TRPM2: variants seen among roughly 807,000 people sequenced by gnomAD.
The protein encoded by TRPM2 is estrogen-responsive element-associated gene 1 protein.
In TRPM2, 161 loss-of-function variants were observed where a neutral mutation model predicts 174.0. The ratio of observed to expected loss-of-function variants is 0.93; its 90% CI spans 0.81 to 1.05. TRPM2 has a LOEUF of 1.05. Ranked by LOEUF, TRPM2 falls within the 50% of genes least tolerant of loss-of-function variation. TRPM2 has a pLI of 0.00. For missense variants in TRPM2, 2,057 were observed against 2,038.0 expected, an observed-to-expected ratio of 1.01 and a Z score of -0.18; for synonymous variants, 954 against 861.3, an observed-to-expected ratio of 1.11 and a Z score of -1.88.
At position 44,424,866 on chromosome 21, in the gene TRPM2, C is replaced by T. The variant is rs763564413; in HGVS notation, c.3564C>T (p.Ala1188=). The part of the protein sequence containing the change: ...ASLEEQVAQT[A]QALHWIVRTL... Reference sequence around the variant, plus strand: ...ATGCCTTCCAGGTGGCCCAGACAGCCCAAGCCCTGCACTGGATCGTGAGGA... The same window carrying T: ...ATGCCTTCCAGGTGGCCCAGACAGCTCAAGCCCTGCACTGGATCGTGAGGA... The change falls in exon 24 of 32, where the codon GCC becomes GCT. Residue 1188 remains alanine (A), a synonymous_variant. Transcript: ENST00000397928. 2.5e-6 allele frequency: 4 copies of T among 1,603,422 alleles called. No homozygotes were observed. The highest frequency in any genetic ancestry group is 4.5e-5 in the East Asian group (2 of 44,468).
rs2049187637 is a variant in TRPM2, at chr21:44,391,910, C to T, written c.1794+285C>T. Among the ~76,000 whole-genome samples the T allele has an allele frequency of 6.6e-6, 1 of 152,174 alleles. No homozygotes were observed. The highest frequency in any genetic ancestry group is 6.5e-5 in the Admixed American group (1 of 15,284). The stretch of plus-strand genomic sequence containing the variant: ...GCACGTGGCTGCCCTCTTGCTGTGT[C>T]TTCACGTGACAGAGAGAGAAGTCTC... On this transcript the variant is annotated intron_variant, in intron 11 of 31. Coordinates refer to ENST00000397928, the MANE Select transcript of TRPM2 (RefSeq NM_003307.4). The surrounding 1 kb of genome is among the most constrained non-coding windows in gnomAD (Gnocchi z 5.0).
At position 44,439,128 on chromosome 21, in the gene TRPM2, A is replaced by T. The variant is rs765566611; in HGVS notation, c.4229A>T (p.His1410Leu). The T allele has an allele frequency of 1.2e-6, 2 of 1,613,712 alleles. No homozygotes were observed. The highest frequency in any genetic ancestry group is 1.7e-6 in the Non-Finnish European group (2 of 1,179,838). ...RKLKRILRQE[H>L]WPSFENLLKC... ...CTGAAGCGGATCCTCCGGCAGGAGCACTGGCCGTCTTTTGAAAACTTGCTG... is the reference window on the plus strand; with the variant it reads ...CTGAAGCGGATCCTCCGGCAGGAGCTCTGGCCGTCTTTTGAAAACTTGCTG... The change falls in exon 30 of 32, where the codon CAC (histidine) becomes CTC (leucine). Residue 1410 changes from histidine (H) to leucine (L), a missense_variant. Physicochemically the swap from His to Leu is moderately conservative, Grantham distance 99 (BLOSUM62 -3). Transcript: ENST00000397928. The surrounding 1 kb of genome is among the most constrained non-coding windows in gnomAD (Gnocchi z 5.1).
At position 44,441,059 on chromosome 21, in the gene TRPM2, C is replaced by G. The variant is rs77574690; in HGVS notation, c.4386+154C>G. ...CTCCGGGGAGAGGGAAGGCGGGGAC[C>G]GGGGTCTGGATTCTGGACGTGCCTC... On this transcript the variant is annotated intron_variant, in intron 31 of 31. Transcript: ENST00000397928. Among the ~76,000 whole-genome samples, 593 of 152,098 alleles carry G rather than the reference C, an allele frequency of 3.9e-3. 4 individuals are homozygous for G. Among genetic ancestry groups the G allele is most frequent in the African/African-American group, 0.013 (553 of 41,484 alleles).
Position 44,425,616 on chromosome 21 carries a change from C to T in TRPM2, c.3638-54C>T, listed in dbSNP as rs528619594. On this transcript the variant is annotated intron_variant, in intron 24 of 31. Coordinates refer to ENST00000397928, the MANE Select transcript of TRPM2 (RefSeq NM_003307.4). ...ACAGAGGAAGTCCTTGTCCTGCGGG[C>T]GGGCACCTGAGCCCGGGCTCCGCCT... 1.2e-4 allele frequency: 173 copies of T among 1,435,132 alleles called. No individual in the cohort carries two copies. The African/African-American group carries it at 2.0e-3, about 16-fold the overall frequency. The allele number at this position is 1,435,132 out of a possible 1,614,324, so 88.9% of individuals were successfully genotyped here.
rs112412868 is a variant in TRPM2 at position 44,437,694 on chromosome 21, G to A, written c.4167+527G>A. 7.3e-3 allele frequency among the ~76,000 whole-genome samples: 1,118 copies of A among 152,294 alleles called. 21 individuals carry two copies. Among genetic ancestry groups the A allele is most frequent in the African/African-American group, 0.026 (1,064 of 41,560 alleles). ...GGCTGGTTGTGGGGCTGAGGCTGGA[G>A]CGCACCCCAGCATCTTGTGGGGAGG... On this transcript the variant is annotated intron_variant, in intron 29 of 31. Coordinates refer to ENST00000397928, the MANE Select transcript of TRPM2 (RefSeq NM_003307.4).
intron 11 of TRPM2, among the ~76,000 whole-genome samples, chr21:44,393,734 T>A (rs1375562376): frequency 2.6e-5 from 4 of 151,872 alleles, no homozygotes; most frequent in Non-Finnish European, 5.9e-5. Context: ...TCTGTTTAGG[T>A]TCTCTATCTC....
intron 11 of TRPM2, among the ~76,000 whole-genome samples, chr21:44,394,577 C>T (rs1001869734): frequency 1.3e-5 from 2 of 151,500 alleles, no homozygotes; most frequent in Admixed American, 6.6e-5. Context: ...CCTTGGCCTC[C>T]CAAATTGCTG....
rs1252939735 is a variant in TRPM2, at chr21:44,391,475, T to C, written c.1644T>C (p.Ala548=). Reference sequence around the variant, plus strand: ...TGGTGGAGGATCCCGAGCGCCCGGCTTGCGCGCCCGCGGCGCCCCGCCTGC... The same window carrying C: ...TGGTGGAGGATCCCGAGCGCCCGGCCTGCGCGCCCGCGGCGCCCCGCCTGC... ...KVLVEDPERP[A]CAPAAPRLQM... The change falls in exon 11 of 32, where the codon GCT becomes GCC. Residue 548 remains alanine, a synonymous_variant. Transcript: ENST00000397928. The surrounding 1 kb of genome is among the most constrained non-coding windows in gnomAD (Gnocchi z 5.0). 6.2e-7 allele frequency: 1 copy of C among 1,609,682 alleles called. No individual in the cohort carries two copies. Among genetic ancestry groups the C allele is most frequent in the South Asian group, 1.1e-5 (1 of 91,058 alleles).
In TRPM2 at chr21:44,391,620, C is replaced by G. The variant is rs779296094; in HGVS notation, c.1789C>G (p.Leu597Val). ...RLLLPVPHVKLNVQGVSLRSL... is the reference protein window; with the variant it reads ...RLLLPVPHVKVNVQGVSLRSL... ...CCTGCTGCCCGTTCCCCACGTCAAG[C>G]TCAACGTGCGTGCTGGTAACGGGGC... Residue 597 changes from leucine to valine, a missense_variant, in exon 11 of 32, where the codon CTC (leucine) becomes GTC (valine). Physicochemically the swap from Leu to Val is conservative, Grantham distance 32. Transcript: ENST00000397928. This position sits in a 1 kb window ranked among gnomAD's most constrained non-coding sequence, Gnocchi z 5.0. The G allele has an allele frequency of 1.9e-6, 3 of 1,573,420 alleles. No individual in the cohort carries two copies. The highest frequency in any genetic ancestry group is 2.7e-5 in the African/African-American group (2 of 74,286).
chr21:44,368,142 C>G (rs2048412361), intron 4 of TRPM2, among the ~76,000 whole-genome samples: 1 of 152,242 alleles, frequency 6.6e-6, no homozygotes, highest in Non-Finnish European at 1.5e-5. Flanking sequence ...ATTTTTGAGA[C>G]AGGGTCTCAG....
At chr21:44,406,881 C>T (rs1228366224) in intron 19 of TRPM2, 116 bp downstream of exon 19, 1 of 1,344,882 alleles carries the variant, frequency 7.4e-7, no homozygotes, top group Non-Finnish European at 1.0e-6. Context: ...CCTGCGGTTC[C>T]CACCTGGCCG....
intron 3 of TRPM2, among the ~76,000 whole-genome samples, chr21:44,365,103 G>T (rs925434060): frequency 6.6e-6 from 1 of 150,546 alleles, no homozygotes; most frequent in Admixed American, 6.6e-5. Flanking sequence ...AGGGTTCTGA[G>T]ACTTGTGTGT....
At chr21:44,404,984 CAG>C (rs1279597882) in intron 16 of TRPM2, among the ~76,000 whole-genome samples, 156 bp from the exon 17 acceptor site, 1 of 145,270 alleles carries the variant, frequency 6.9e-6, no homozygotes, top group Non-Finnish European at 1.5e-5. Context: ...AGTGATATGA[CAG>C]TGATGGTGAC....
At chr21:44,395,384 C>T (rs2049312594) in intron 11 of TRPM2, 30 bp from the exon 12 acceptor site, 1 of 1,609,558 alleles carries the variant, frequency 6.2e-7, no homozygotes, top group South Asian at 1.1e-5. Flanking sequence ...GGCGGCCCGG[C>T]TGGGGCTCTG....
rs774227124 is a variant in TRPM2 at position 44,435,111 on chromosome 21, T to G, written c.3975-20T>G. The G allele has an allele frequency of 6.2e-7, 1 of 1,609,632 alleles. No individual in the cohort carries two copies. The highest frequency in any genetic ancestry group is 2.2e-5 in the East Asian group (1 of 44,756). The stretch of plus-strand genomic sequence containing the variant: ...CCCCATTGGTGGACGGTGGACTGAC[T>G]CAACCCCTCTGCATCCCAGGAACCC... On this transcript the variant is annotated intron_variant, in intron 27 of 31. Coordinates refer to ENST00000397928, the MANE Select transcript of TRPM2 (RefSeq NM_003307.4).
chr21:44,391,550 G>GCAGCC lies in TRPM2; in HGVS notation c.1720_1724dup (p.Leu576SerfsTer29). 1 of 1,600,034 alleles carries GCAGCC rather than the reference G, an allele frequency of 6.2e-7. No homozygotes were observed. Among genetic ancestry groups the GCAGCC allele is most frequent in the Non-Finnish European group, 8.5e-7 (1 of 1,177,870 alleles). On this transcript the variant is annotated frameshift_variant, in exon 11 of 32. Transcript: ENST00000397928. LOFTEE classifies it high-confidence loss of function. The surrounding 1 kb of genome is among the most constrained non-coding windows in gnomAD (Gnocchi z 5.0). ...TGCGGGAGCTGCTGGGGGACTTCAC[G>GCAGCC]CAGCCGCTTTATCCCCGGCCCCGGC...
chr21:44,368,527 G>A (rs1420105532), intron 4 of TRPM2, among the ~76,000 whole-genome samples: 2 of 151,988 alleles, frequency 1.3e-5, no homozygotes, highest in African/African-American at 4.8e-5. Context: ...TGCCTCCTGA[G>A]TTCAAGCAAT....
chr21:44,406,825 G>C (rs1265054274), intron 19 of TRPM2, 60 bp downstream of exon 19: 13 of 1,544,318 alleles, frequency 8.4e-6, no homozygotes, highest in East Asian at 7.3e-5. Context: ...AGAGAGGCTG[G>C]AAAGGGGCCG....
rs761772781 is a variant in TRPM2, at chr21:44,425,801, G to A, written c.3769G>A (p.Val1257Met). 16 of 1,580,206 alleles carry A rather than the reference G, an allele frequency of 1.0e-5. No homozygotes were observed. The highest frequency in any genetic ancestry group is 2.3e-5 in the East Asian group (1 of 43,692). ...YPNCPVTRFP[V>M]PNEKVPWETE... ...CAACTGCCCTGTCACGCGCTTCCCC[G>A]TGCCCAACGAGAAGGTGCCCTGGGA... The change falls in exon 25 of 32, where the codon GTG (valine) becomes ATG (methionine). Residue 1257 changes from valine to methionine, a missense_variant. Val to Met is a conservative substitution (Grantham distance 21). Coordinates refer to ENST00000397928, the MANE Select transcript of TRPM2 (RefSeq NM_003307.4).
Sources: gnomAD v4.1 joint callset for allele counts (sites outside exome capture counted in the v4.1 genomes callset) on GRCh38, gnomAD v4.1.1 for gene constraint, Gnocchi (gnomAD v3.1) non-coding constraint, MANE v1.5 for transcripts, NCBI Gene and HGNC (gene_info 2026-07-23, HGNC 2026-07-21) for gene names.